Variants in TTC7B observed in about 807,000 individuals in gnomAD.
TTC7B encodes tetratricopeptide repeat protein 7B.
Under a neutral mutation model 106.8 loss-of-function variants are expected in TTC7B, and 28 were observed. The ratio of observed to expected loss-of-function variants is 0.26; its 90% confidence interval spans 0.19 to 0.36. The LOEUF (loss-of-function observed/expected upper bound fraction) is 0.36. TTC7B is among the 10% of genes least tolerant of loss of function. The pLI is 1.00. For missense variants in TTC7B, 862 were observed against 1,076.4 expected, an observed-to-expected ratio of 0.80 and a Z score of 2.79; for synonymous variants, 405 against 430.6, an observed-to-expected ratio of 0.94 and a Z score of 0.74.
rs1013200775 is a variant in TTC7B at position 90,541,376 on chromosome 14, C to T, written c.2524G>A (p.Val842Met). ...GGCTGGCAGGCGCCTGCTCAGAGCA[C>T]GCGGGGGATGATGGTGAAGGGCACG... is the stretch of plus-strand genomic sequence containing the variant. Reference protein sequence around the residue: ...PAVPFTIIPRVL With the variant: ...PAVPFTIIPRML The change falls in exon 20 of 20, where the codon GTG becomes ATG. Residue 842 changes from valine (V) to methionine (M), a missense_variant. Val to Met is a conservative substitution (Grantham distance 21). Coordinates refer to ENST00000328459, the MANE Select transcript of TTC7B (RefSeq NM_001010854.2). The T allele has an allele frequency of 8.1e-6, 13 of 1,603,976 alleles. No homozygotes were observed. In the East Asian group the frequency reaches 1.1e-4, roughly 14 times the overall value.
At chr14:90,766,535 C>T (rs2140022012) in intron 3 of TTC7B, 1 of 759,016 alleles carries the variant, frequency 1.3e-6, no homozygotes, top group African/African-American at 1.7e-5. Flanking sequence ...GCCGCCATGT[C>T]TCTAGTGATC....
chr14:90,778,789 G>A (rs926589547), intron 3 of TTC7B, among the ~76,000 whole-genome samples: 1 of 152,236 alleles, frequency 6.6e-6, no homozygotes, highest in African/African-American at 2.4e-5. Context: ...CCTGTCGAGA[G>A]CAAGGGCATT....
chr14:90,622,149 ACT>A (rs1884234839), intron 15 of TTC7B, among the ~76,000 whole-genome samples: 1 of 140,392 alleles, frequency 7.1e-6, no homozygotes, highest in Non-Finnish European at 1.5e-5. Flanking sequence ...ACAGAGTCCC[ACT>A]CTGTTGCCCA....
At chr14:90,793,827 C>T (rs1435396406) in intron 1 of TTC7B, among the ~76,000 whole-genome samples, 3 of 151,676 alleles carry the variant, frequency 2.0e-5, no homozygotes, top group African/African-American at 7.3e-5. Context: ...AGGCTGGTCT[C>T]GAACTCCCAA....
At position 90,539,807 on chromosome 14, in the gene TTC7B, TAC is replaced by T. The variant is rs1889512165; in HGVS notation, c.*1559_*1560del. On this transcript the variant is annotated 3_prime_UTR_variant, in exon 20 of 20. Transcript: ENST00000328459. ...ATTCGGACTTTGGCTCAAACACCTC[TAC>T]ACCTTCTTCTCATGGTGGCAAGAGG... 2 of 152,398 alleles carry T rather than the reference TAC, an allele frequency of 1.3e-5. No individual in the cohort carries two copies. Among genetic ancestry groups the T allele is most frequent in the South Asian group, 4.1e-4 (2 of 4,826 alleles). 9.4% of individuals were successfully genotyped at this position (152,398 alleles called of 1,614,324 possible).
At chr14:90,760,653 C>T (rs1890469101) in intron 3 of TTC7B, among the ~76,000 whole-genome samples, 1 of 152,190 alleles carries the variant, frequency 6.6e-6, no homozygotes, top group African/African-American at 2.4e-5. Flanking sequence ...ATCCCTCCAC[C>T]CCTTCACTAG....
At chr14:90,766,620 C>A (rs1890689512) in intron 3 of TTC7B, 3 of 984,926 alleles carry the variant, frequency 3.0e-6, no homozygotes, top group African/African-American at 1.6e-5. Flanking sequence ...CCTTTACCAT[C>A]CCTGCCATTA....
At chr14:90,707,660 A>G (rs1168227335) in intron 5 of TTC7B, among the ~76,000 whole-genome samples, 7 of 152,224 alleles carry the variant, frequency 4.6e-5, no homozygotes, top group Admixed American at 3.3e-4. Flanking sequence ...ATAGGGAAAA[A>G]GTCTGCATGG....
chr14:90,642,392 A>T (rs1050397199), intron 15 of TTC7B, among the ~76,000 whole-genome samples: 18 of 152,244 alleles, frequency 1.2e-4, no homozygotes, highest in African/African-American at 3.9e-4. Flanking sequence ...CAGCGAGGTG[A>T]TGAGGCAGTG....
intron 19 of TTC7B, among the ~76,000 whole-genome samples, chr14:90,572,019 A>G (rs1656779368): frequency 6.6e-6 from 1 of 152,178 alleles, no homozygotes; most frequent in African/African-American, 2.4e-5. Flanking sequence ...CAACTAAGAA[A>G]ATAGGAGACA....
chr14:90,558,729 T>C (rs914569454), intron 19 of TTC7B, among the ~76,000 whole-genome samples: 5 of 152,214 alleles, frequency 3.3e-5, no homozygotes, highest in Non-Finnish European at 7.3e-5. Flanking sequence ...CTGTTCACAC[T>C]GCAGGGCGAT....
chr14:90,600,424 C>T lies in TTC7B; in HGVS notation c.1967-6798G>A, dbSNP rs1043521804. On this transcript the variant is annotated intron_variant, in intron 17 of 19. Transcript: ENST00000328459. The surrounding 1 kb of genome is among the most constrained non-coding windows in gnomAD (Gnocchi z 4.3). ...CCGCTGCCCACCCAGTCCCACCAACCATGAGGGCTCCTGCTGTGGGTTCCT... is the reference window on the plus strand; with the variant it reads ...CCGCTGCCCACCCAGTCCCACCAACTATGAGGGCTCCTGCTGTGGGTTCCT... Among the ~76,000 whole-genome samples the T allele has an allele frequency of 6.6e-6, 1 of 152,204 alleles. No individual in the cohort carries two copies. Among genetic ancestry groups the T allele is most frequent in the East Asian group, 1.9e-4 (1 of 5,186 alleles).
chr14:90,694,994 C>CT (rs1887654703), intron 6 of TTC7B, among the ~76,000 whole-genome samples: 1 of 49,014 alleles, frequency 2.0e-5, no homozygotes, highest in African/African-American at 6.6e-5. Flanking sequence ...ATTTATAACA[C>CT]ATATGCCACA....
chr14:90,695,039 T>TCACA (rs1887664776), intron 6 of TTC7B, among the ~76,000 whole-genome samples: 1 of 44,132 alleles, frequency 2.3e-5, no homozygotes, highest in Non-Finnish European at 4.6e-5. Flanking sequence ...ATTTTTTATT[T>TCACA]TATTATAAAA....
chr14:90,674,634 T>C (rs1255750857), intron 9 of TTC7B, among the ~76,000 whole-genome samples: 1 of 152,224 alleles, frequency 6.6e-6, no homozygotes, highest in Non-Finnish European at 1.5e-5. Context: ...TCAGAGCCCC[T>C]GGCACAGAAG....
chr14:90,590,451 C>T (rs560320056), intron 18 of TTC7B, among the ~76,000 whole-genome samples: 1 of 152,320 alleles, frequency 6.6e-6, no homozygotes, highest in African/African-American at 2.4e-5. Flanking sequence ...CCAGAAAAAA[C>T]CACCAGGAGA....
intron 5 of TTC7B, among the ~76,000 whole-genome samples, chr14:90,696,813 T>G (rs1373445009): frequency 2.0e-5 from 3 of 152,174 alleles, no homozygotes; most frequent in African/African-American, 7.2e-5. Flanking sequence ...GTGCTCAGGA[T>G]GCCAAGCAGC....
Position 90,609,358 on chromosome 14 carries a change from T to C in TTC7B, c.1966+1384A>G, listed in dbSNP as rs139088203. Among the ~76,000 whole-genome samples, 298 of 152,356 alleles carry C rather than the reference T, an allele frequency of 2.0e-3. 1 individual carries two copies. The highest frequency in any genetic ancestry group is 7.0e-3 in the African/African-American group (292 of 41,586). ...TCTTTTTACCCAGGAGCTGCAGGAC[T>C]TTTGGATCTGATTTCTCAAGCTGAC... On this transcript the variant is annotated intron_variant, in intron 17 of 19. Coordinates refer to ENST00000328459, the MANE Select transcript of TTC7B (RefSeq NM_001010854.2).
chr14:90,551,119 C>A (rs1260640176), intron 19 of TTC7B, among the ~76,000 whole-genome samples: 1 of 152,180 alleles, frequency 6.6e-6, no homozygotes, highest in East Asian at 1.9e-4. Context: ...ACCCGCAGAG[C>A]CAACACTCTT....
Sources: allele counts gnomAD v4.1 joint callset (sites outside exome capture counted in the v4.1 genomes callset), GRCh38; gene constraint gnomAD v4.1.1; non-coding constraint Gnocchi (gnomAD v3.1); transcripts MANE v1.5; gene names NCBI Gene and HGNC (gene_info 2026-07-23, HGNC 2026-07-21).